Variants in OTUD4 observed in about 807,000 individuals in gnomAD.
OTUD4 encodes the protein OTU deubiquitinase 4.
A neutral mutation model predicts 130.4 loss-of-function variants in OTUD4; 24 were observed. The observed-to-expected ratio is 0.18, with a 90% CI of 0.13 to 0.26. The LOEUF (loss-of-function observed/expected upper bound fraction) is 0.26, where lower values mean the gene tolerates loss of function less well. OTUD4 is among the 10% of genes least tolerant of loss of function. The pLI, the probability that OTUD4 is intolerant of heterozygous loss-of-function variation, is 1.00. For synonymous variants in OTUD4, 420 were observed against 472.5 expected, an observed-to-expected ratio of 0.89 and a Z score of 1.44; for missense variants, 1,031 against 1,329.4, an observed-to-expected ratio of 0.78 and a Z score of 3.49.
At chr4:145,165,641 C>T (rs1325046193) in intron 3 of OTUD4, among the ~76,000 whole-genome samples, 1 of 152,074 alleles carries the variant, frequency 6.6e-6, no homozygotes, top group Non-Finnish European at 1.5e-5. Context: ...CCATGCCCAG[C>T]TAATTTTGTA....
At chr4:145,156,412 G>A (rs1320230664) in intron 7 of OTUD4, among the ~76,000 whole-genome samples, 2 of 152,184 alleles carry the variant, frequency 1.3e-5, no homozygotes, top group South Asian at 2.1e-4. Context: ...AGCCGGCCAT[G>A]GTGGCTCACG....
At chr4:145,175,364 C>T (rs928884976) in intron 1 of OTUD4, among the ~76,000 whole-genome samples, 3 of 152,092 alleles carry the variant, frequency 2.0e-5, no homozygotes, top group African/African-American at 7.2e-5. Context: ...GGTATCATCC[C>T]AAGAGGTTTG....
At chr4:145,172,833 T>C (rs530225621) in intron 2 of OTUD4, among the ~76,000 whole-genome samples, 1 of 151,624 alleles carries the variant, frequency 6.6e-6, no homozygotes, top group African/African-American at 2.4e-5. Flanking sequence ...TGATTATAGG[T>C]CTAAGGAAAA....
At chr4:145,153,454 G>A (rs1751154110) in intron 10 of OTUD4, among the ~76,000 whole-genome samples, 1 of 152,122 alleles carries the variant, frequency 6.6e-6, no homozygotes, top group Non-Finnish European at 1.5e-5. Context: ...TGGAATGAGG[G>A]TGCACAGGAT....
intron 7 of OTUD4, chr4:145,159,283 C>T: frequency 5.2e-6 from 7 of 1,348,048 alleles, no homozygotes; most frequent in African/African-American, 1.5e-5. Flanking sequence ...CGTAAATTCT[C>T]ATCAACCAAA....
chr4:145,153,995 C>T (rs757491336), intron 10 of OTUD4, among the ~76,000 whole-genome samples: 4 of 152,124 alleles, frequency 2.6e-5, no homozygotes, highest in Non-Finnish European at 5.9e-5. Flanking sequence ...AAATAAAATA[C>T]TCTCAATAGG....
Position 145,136,576 on chromosome 4 carries a change from A to G in OTUD4, c.*854T>C, listed in dbSNP as rs1482101253. 1 of 149,100 alleles carries G rather than the reference A, an allele frequency of 6.7e-6. No homozygotes were observed. Among genetic ancestry groups the G allele is most frequent in the Non-Finnish European group, 1.5e-5 (1 of 67,542 alleles). 9.2% of individuals were successfully genotyped at this position (149,100 alleles called of 1,614,324 possible). ...GTCAGTGCATTAGTGTTAAAGTGGC[A>G]TTAAAAAAACTTCTGCAGTTCTAAC... On this transcript the variant is annotated 3_prime_UTR_variant, in exon 21 of 21. Transcript: ENST00000447906.
chr4:145,150,712 C>T lies in OTUD4; in HGVS notation c.1073-13G>A, dbSNP rs758758021. On this transcript the variant is annotated splice_polypyrimidine_tract_variant and intron_variant, in intron 12 of 20. Transcript: ENST00000447906. ...CTGTAATCCACATCTGTTGTAAGAA[C>T]CCAAAAGTACATGATAATATTCATA... The T allele has an allele frequency of 1.1e-5, 17 of 1,606,148 alleles. No individual in the cohort carries two copies. The highest frequency in any genetic ancestry group is 1.7e-4 in the Middle Eastern group (1 of 6,060).
Position 145,138,041 on chromosome 4 carries a change from A to G in OTUD4, c.2734T>C (p.Phe912Leu), listed in dbSNP as rs1246772602. The G allele has an allele frequency of 6.2e-7, 1 of 1,614,118 alleles. No homozygotes were observed. Among genetic ancestry groups the G allele is most frequent in the Admixed American group, 1.7e-5 (1 of 60,034 alleles). The change falls in exon 21 of 21, where the codon TTT becomes CTT. Residue 912 changes from phenylalanine (F) to leucine (L), a missense_variant. Around this residue, in one of 3 missense-constraint regions of OTUD4, gnomAD observed 900 missense variants for 1,095.9 expected, o/e 0.82. Coordinates refer to ENST00000447906, the MANE Select transcript of OTUD4 (RefSeq NM_001366057.1). ...ACATGTTCACCCCTGGCTTCTGGAA[A>G]CTCATCTACTGTTGAAACTGAACCA... Reference protein sequence around the residue: ...DCGSVSTVDEFPEARGEHVHS... With the variant: ...DCGSVSTVDELPEARGEHVHS...
At chr4:145,142,918 AT>A (rs1750634248) in intron 17 of OTUD4, among the ~76,000 whole-genome samples, 4 of 152,274 alleles carry the variant, frequency 2.6e-5, no homozygotes, top group East Asian at 1.9e-4. Context: ...GTAAATTGGT[AT>A]TTTTTTAATG....
In OTUD4 at chr4:145,141,440, C is replaced by T; in HGVS notation, c.2022G>A (p.Lys674=). Residue 674 remains lysine, a synonymous_variant, in exon 19 of 21, where the codon AAG becomes AAA. Transcript: ENST00000447906. ...PLYPGFPCNE[K]GDRAIVPPYS... Reference sequence around the variant, plus strand: ...AAGGTGGTACAATGGCTCGATCTCCCTTTTCATTACAAGGAAACCCAGGAT... The same window carrying T: ...AAGGTGGTACAATGGCTCGATCTCCTTTTTCATTACAAGGAAACCCAGGAT... 6.2e-7 allele frequency: 1 copy of T among 1,613,740 alleles called. No homozygotes were observed. The highest frequency in any genetic ancestry group is 8.5e-7 in the Non-Finnish European group (1 of 1,179,782).
At chr4:145,147,744 G>A in intron 13 of OTUD4, among the ~76,000 whole-genome samples, 1 of 152,102 alleles carries the variant, frequency 6.6e-6, no homozygotes, top group East Asian at 1.9e-4. Flanking sequence ...AAAGTGAGAG[G>A]CCAAGAAGGT....
intron 2 of OTUD4, among the ~76,000 whole-genome samples, chr4:145,172,711 A>T (rs995470453): frequency 2.6e-5 from 4 of 152,222 alleles, no homozygotes; most frequent in Non-Finnish European, 5.9e-5. Flanking sequence ...TCTTTCATAG[A>T]TTATATAATG....
intron 5 of OTUD4, 68 bp downstream of exon 5, chr4:145,164,086 T>C (rs997782271): frequency 7.3e-6 from 5 of 681,006 alleles, no homozygotes; most frequent in Non-Finnish European, 1.0e-5. Context: ...TTATAGCTTA[T>C]GAGGTCATGG....
chr4:145,157,930 G>C (rs1579267572), intron 7 of OTUD4, among the ~76,000 whole-genome samples: 1 of 152,052 alleles, frequency 6.6e-6, no homozygotes, highest in Non-Finnish European at 1.5e-5. Flanking sequence ...CAACCAAAGG[G>C]CATGTTCTAA....
At chr4:145,171,376 A>AACGTAGC (rs1752157838) in intron 3 of OTUD4, 1 of 261,548 alleles carries the variant, frequency 3.8e-6, no homozygotes, top group Non-Finnish European at 7.1e-6. Context: ...TACACACACC[A>AACGTAGC]ACGTAGCATT....
chr4:145,155,875 T>C, intron 8 of OTUD4, 61 bp downstream of exon 8: 2 of 1,358,768 alleles, frequency 1.5e-6, no homozygotes, highest in Non-Finnish European at 2.0e-6. Context: ...AATTAAGATT[T>C]TAATGTACAT....
At chr4:145,144,093 G>T in intron 15 of OTUD4, 92 bp from the exon 16 acceptor site, 1 of 1,162,802 alleles carries the variant, frequency 8.6e-7, no homozygotes, top group Non-Finnish European at 1.3e-6. Flanking sequence ...GAAGCCAAAA[G>T]TATTATTTGA....
intron 1 of OTUD4, among the ~76,000 whole-genome samples, chr4:145,175,185 G>A (rs1288143363): frequency 6.6e-6 from 1 of 152,192 alleles, no homozygotes; most frequent in Non-Finnish European, 1.5e-5. Flanking sequence ...GTAAGAGGCC[G>A]ATTTATTTTT....
Sources: allele counts gnomAD v4.1 joint callset (sites outside exome capture counted in the v4.1 genomes callset), GRCh38; gene constraint gnomAD v4.1.1; regional missense constraint gnomAD v4.1.1; transcripts MANE v1.5; gene names NCBI Gene and HGNC (gene_info 2026-07-23, HGNC 2026-07-21).